The following ENOX2 variants were observed in gnomAD, a reference collection of about 807,000 sequenced individuals.
ENOX2 encodes ecto-NOX disulfide-thiol exchanger 2, also known as APK1 antigen.
A neutral mutation model predicts 45.0 loss-of-function variants in ENOX2; 36 were observed. That is an observed-to-expected ratio of 0.80 (90% CI 0.61 to 1.06). ENOX2 has a LOEUF of 1.06. Ranked by LOEUF, ENOX2 falls within the 50% of genes least tolerant of loss-of-function variation. The pLI is 0.00. For missense variants in ENOX2, 423 were observed against 462.5 expected (o/e 0.91, Z 0.78); for synonymous variants, 174 against 152.3 (o/e 1.14, Z -1.05).
At chrX:130,770,585 G>A (rs1005460760) in intron 3 of ENOX2, among the ~76,000 whole-genome samples, 2 of 111,091 alleles carry the variant, frequency 1.8e-5, no homozygotes, top group Non-Finnish European at 3.8e-5. Context: ...AAAGAAAAAT[G>A]GGCAAAGGAT....
At chrX:130,839,186 C>A (rs1353634828) in intron 2 of ENOX2, among the ~76,000 whole-genome samples, 1 of 112,081 alleles carries the variant, frequency 8.9e-6, no homozygotes, top group Non-Finnish European at 1.9e-5. Context: ...TCAGTTTTCA[C>A]CTTTCTGATT....
chrX:130,821,723 T>TAAAAAAAAAAAAAAAAAAAA (rs1569505775), intron 2 of ENOX2, among the ~76,000 whole-genome samples: 1 of 17,467 alleles, frequency 5.7e-5, no homozygotes, highest in Non-Finnish European at 1.1e-4. Context: ...AATAAATAAA[T>TAAAAAAAAAAAAAAAAAAAA]AAAAATAAAT....
At chrX:130,758,049 T>C (rs1467082341) in intron 3 of ENOX2, among the ~76,000 whole-genome samples, 1 of 112,424 alleles carries the variant, frequency 8.9e-6, no homozygotes, top group Admixed American at 9.4e-5. Context: ...AGTCCTCTTG[T>C]CTTGGCCTCC....
At chrX:130,713,622 G>C (rs1448912482) in intron 3 of ENOX2, among the ~76,000 whole-genome samples, 1 of 110,879 alleles carries the variant, frequency 9.0e-6, no homozygotes, top group East Asian at 2.8e-4. Flanking sequence ...TGTTACCTTG[G>C]TCTAGAGTGA....
chrX:130,877,156 C>T (rs934004546), intron 2 of ENOX2, among the ~76,000 whole-genome samples: 6 of 111,522 alleles, frequency 5.4e-5, no homozygotes, highest in Non-Finnish European at 1.1e-4. Flanking sequence ...CTTACATATT[C>T]CCACTAGAGT....
At chrX:130,845,936 G>A (rs2078095990) in intron 2 of ENOX2, among the ~76,000 whole-genome samples, 1 of 112,494 alleles carries the variant, frequency 8.9e-6, no homozygotes, top group African/African-American at 3.2e-5. Context: ...AACGTGCATT[G>A]TGCTTGCTGG....
rs202073820 is a variant in ENOX2, at chrX:130,655,467, ATCTC to A, written c.1129+1110_1129+1113del. Among the ~76,000 whole-genome samples the A allele has an allele frequency of 3.3e-4, 37 of 110,896 alleles. No homozygotes were observed. In the East Asian group the frequency reaches 7.9e-3, roughly 24 times the overall value. ...CCAGGAAATTCAGATTTGAATTACA[ATCTC>A]TCTCTCTCTGTCTCTTTTACACACA... On this transcript the variant is annotated intron_variant, in intron 10 of 14. Coordinates refer to ENST00000394363, the MANE Select transcript of ENOX2 (RefSeq NM_006375.4).
At position 130,667,576 on chromosome X, in the gene ENOX2, T is replaced by G; in HGVS notation, c.861A>C (p.Glu287Asp). The G allele has an allele frequency of 8.3e-7, 1 of 1,211,538 alleles. No homozygotes were observed. The highest frequency in any genetic ancestry group is 1.1e-6 in the Non-Finnish European group (1 of 895,431). Reference sequence around the variant, plus strand: ...GGGCCTGCTTGAACTTCTCCTTTGCTTCTTCCATATCTTTCTCATGGGCAG... The same window carrying G: ...GGGCCTGCTTGAACTTCTCCTTTGCGTCTTCCATATCTTTCTCATGGGCAG... ...EKAAHEKDME[E>D]AKEKFKQALS... is the part of the protein sequence containing the mutation. The change falls in exon 8 of 15, where the codon GAA becomes GAC. Residue 287 changes from glutamate to aspartate, a missense_variant. Coordinates refer to ENST00000394363, the MANE Select transcript of ENOX2 (RefSeq NM_006375.4).
intron 3 of ENOX2, among the ~76,000 whole-genome samples, chrX:130,706,098 CAT>C (rs752704944): frequency 1.8e-5 from 2 of 112,097 alleles, no homozygotes; most frequent in South Asian, 3.7e-4. Flanking sequence ...TTGATTTTCA[CAT>C]GTTTGCTCAT....
intron 2 of ENOX2, among the ~76,000 whole-genome samples, chrX:130,828,311 C>T (rs2077758169): frequency 8.9e-6 from 1 of 111,763 alleles, no homozygotes; most frequent in Admixed American, 9.5e-5. Flanking sequence ...GTTTACTTTC[C>T]GTTTTCAGTT....
At chrX:130,879,178 T>G (rs928671690) in intron 2 of ENOX2, among the ~76,000 whole-genome samples, 2 of 111,668 alleles carry the variant, frequency 1.8e-5, no homozygotes, top group Non-Finnish European at 3.8e-5. Context: ...GCCAACCATG[T>G]TTGGCAGCAA....
intron 2 of ENOX2, among the ~76,000 whole-genome samples, chrX:130,858,114 CTTT>C (rs772117481): frequency 2.2e-5 from 2 of 92,514 alleles, no homozygotes; most frequent in Non-Finnish European, 2.2e-5. Context: ...GGGCTTTTTC[CTTT>C]TTTTTTTTTT....
intron 4 of ENOX2, among the ~76,000 whole-genome samples, chrX:130,691,184 G>T (rs1203121338): frequency 9.0e-6 from 1 of 110,600 alleles, no homozygotes; most frequent in East Asian, 2.9e-4. Context: ...AAAGTGGGGG[G>T]TTAATATCTG....
chrX:130,759,757 A>T (rs1439347204), intron 3 of ENOX2, among the ~76,000 whole-genome samples: 3 of 105,538 alleles, frequency 2.8e-5, no homozygotes, highest in Admixed American at 2.0e-4. Flanking sequence ...CTTTATTTTT[A>T]TTTTTTTTTT....
chrX:130,633,601 T>G (rs994544960), intron 12 of ENOX2, among the ~76,000 whole-genome samples: 1 of 112,842 alleles, frequency 8.9e-6, no homozygotes, highest in African/African-American at 3.2e-5. Flanking sequence ...GTTTCTTCTA[T>G]GCCATTTGAC....
At chrX:130,650,664 C>T (rs1298256498) in intron 10 of ENOX2, among the ~76,000 whole-genome samples, 1 of 112,027 alleles carries the variant, frequency 8.9e-6, no homozygotes, top group Non-Finnish European at 1.9e-5. Context: ...ATCATTAGTT[C>T]TTGGCTTCTC....
intron 2 of ENOX2, among the ~76,000 whole-genome samples, chrX:130,900,886 T>C (rs1323746059): frequency 1.8e-5 from 2 of 112,207 alleles, no homozygotes; most frequent in Non-Finnish European, 1.9e-5. Context: ...TGTACTTCAT[T>C]GTTTCTCCAA....
At chrX:130,783,785 A>G (rs1300930126) in intron 2 of ENOX2, 95 bp from the exon 3 acceptor site, 4 of 216,624 alleles carry the variant, frequency 1.8e-5, no homozygotes, top group African/African-American at 6.0e-5. Flanking sequence ...AAAACCTTTT[A>G]AATCTTAAAA....
intron 3 of ENOX2, among the ~76,000 whole-genome samples, chrX:130,750,051 C>T (rs1393794260): frequency 9.0e-6 from 1 of 110,531 alleles, no homozygotes; most frequent in African/African-American, 3.3e-5. Flanking sequence ...TGCTCCCTTC[C>T]TCCCTCTGCC....
Sources: gnomAD v4.1 joint callset for allele counts (sites outside exome capture counted in the v4.1 genomes callset) on GRCh38, gnomAD v4.1.1 for gene constraint, MANE v1.5 for transcripts, NCBI Gene and HGNC (gene_info 2026-07-23, HGNC 2026-07-21) for gene names.